The following SHROOM2 variants were observed in gnomAD, a reference collection of about 807,000 sequenced individuals.
The protein encoded by SHROOM2 is protein Shroom2.
Under a neutral mutation model 75.9 loss-of-function variants are expected in SHROOM2, and 33 were observed. The ratio of observed to expected loss-of-function variants is 0.43; its 90% CI spans 0.33 to 0.58. SHROOM2 has a LOEUF of 0.58. Among genes scored for constraint, SHROOM2 ranks in the 20% least tolerant of loss-of-function variants. SHROOM2 has a pLI of 0.04. For synonymous variants in SHROOM2, 655 were observed against 663.6 expected (o/e 0.99, Z 0.20); for missense variants, 1,434 against 1,461.2 (o/e 0.98, Z 0.30).
chrX:9,866,819 C>CG (rs398121949), intron 1 of SHROOM2, among the ~76,000 whole-genome samples: 19 of 111,188 alleles, frequency 1.7e-4, no homozygotes, highest in African/African-American at 4.9e-4. Flanking sequence ...CGTCTTCCCC[C>CG]ACTTCGGCCC....
chrX:9,937,835 G>T, intron 7 of SHROOM2, 150 bp downstream of exon 7: 1 of 512,836 alleles, frequency 1.9e-6, no homozygotes, highest in Non-Finnish European at 3.1e-6. Context: ...GCACTTTTTG[G>T]CTTTTTTGTG....
intron 1 of SHROOM2, 53 bp downstream of exon 1, chrX:9,786,763 G>A (rs1415789381): frequency 2.4e-6 from 2 of 833,132 alleles, no homozygotes; most frequent in African/African-American, 4.4e-5. Flanking sequence ...GCCGCCCTGC[G>A]GGGCGCGTCG....
At chrX:9,879,799 A>G (rs1319297395) in intron 2 of SHROOM2, among the ~76,000 whole-genome samples, 1 of 111,832 alleles carries the variant, frequency 8.9e-6, no homozygotes, top group African/African-American at 3.3e-5. Flanking sequence ...TGTATGTGCT[A>G]TGCAGTGGGA....
intron 1 of SHROOM2, among the ~76,000 whole-genome samples, chrX:9,833,245 T>C (rs2083925477): frequency 9.0e-6 from 1 of 111,246 alleles, no homozygotes; most frequent in Non-Finnish European, 1.9e-5. Flanking sequence ...GCGGGCGTTT[T>C]ATTACCTGTG....
intron 2 of SHROOM2, among the ~76,000 whole-genome samples, chrX:9,882,689 A>G (rs2084238774): frequency 8.9e-6 from 1 of 111,745 alleles, no homozygotes; most frequent in African/African-American, 3.3e-5. Context: ...GGTGGAGGCC[A>G]GAGGCGGGGC....
chrX:9,911,565 C>T (rs912718448), intron 5 of SHROOM2, among the ~76,000 whole-genome samples: 6 of 110,971 alleles, frequency 5.4e-5, no homozygotes, highest in African/African-American at 2.0e-4. Context: ...TGGCTGGCGA[C>T]GCTGCTTCCT....
Position 9,803,696 on chromosome X carries a change from A to G in SHROOM2, c.165+16986A>G, listed in dbSNP as rs552725496. Reference sequence around the variant, plus strand: ...CTTGGGCCTGGTTTTTACAAAATGAACATAGCCATCAGTTGTGACATTGCA... The same window carrying G: ...CTTGGGCCTGGTTTTTACAAAATGAGCATAGCCATCAGTTGTGACATTGCA... On this transcript the variant is annotated intron_variant, in intron 1 of 9. Transcript: ENST00000380913. 2.7e-5 allele frequency among the ~76,000 whole-genome samples: 3 copies of G among 111,963 alleles called. No homozygotes were observed. The Admixed American group carries it at 2.8e-4, about 11-fold the overall frequency.
intron 7 of SHROOM2, among the ~76,000 whole-genome samples, chrX:9,938,019 A>G (rs925046566): frequency 3.6e-5 from 4 of 110,281 alleles, no homozygotes; most frequent in African/African-American, 1.3e-4. Flanking sequence ...ACCCTGGGGG[A>G]CAGTTGGCAA....
At chrX:9,837,685 G>A (rs977948420) in intron 1 of SHROOM2, among the ~76,000 whole-genome samples, 1 of 112,039 alleles carries the variant, frequency 8.9e-6, no homozygotes, top group Non-Finnish European at 1.9e-5. Context: ...AGACTGTGTT[G>A]GGCCTGGTCG....
chrX:9,921,913 C>G (rs1301701827), intron 5 of SHROOM2, among the ~76,000 whole-genome samples: 2 of 112,017 alleles, frequency 1.8e-5, no homozygotes, highest in African/African-American at 6.5e-5. Flanking sequence ...CACAAGTGAA[C>G]TATTCACAAT....
At chrX:9,855,294 G>A (rs201943713) in intron 1 of SHROOM2, among the ~76,000 whole-genome samples, 11 of 4,807 alleles carry the variant, frequency 2.3e-3, no homozygotes, top group African/African-American at 9.9e-3. Flanking sequence ...TTAAAGTATA[G>A]TAAAAAAAAA....
At chrX:9,792,161 A>AATAGAATAGAAT (rs1491434689) in intron 1 of SHROOM2, among the ~76,000 whole-genome samples, 1 of 99,803 alleles carries the variant, frequency 1.0e-5, no homozygotes, top group African/African-American at 3.7e-5. Context: ...GAATAGAATA[A>AATAGAATAGAAT]TCACCAGTAT....
intron 2 of SHROOM2, among the ~76,000 whole-genome samples, chrX:9,878,200 C>G (rs772502339): frequency 2.4e-4 from 27 of 111,970 alleles, no homozygotes; most frequent in Admixed American, 2.8e-4. Context: ...CACCTGCCAC[C>G]TTGTCACAGA....
chrX:9,941,166 C>A (rs2084765282), intron 8 of SHROOM2, among the ~76,000 whole-genome samples: 1 of 112,012 alleles, frequency 8.9e-6, no homozygotes, highest in Non-Finnish European at 1.9e-5. Flanking sequence ...AGTGCAGGGC[C>A]CAGACAGAAT....
intron 1 of SHROOM2, among the ~76,000 whole-genome samples, chrX:9,825,363 T>C (rs1002792055): frequency 7.1e-5 from 8 of 112,568 alleles, no homozygotes; most frequent in Admixed American, 9.4e-5. Context: ...AAAAGCAATA[T>C]TTGAACCAAT....
rs2084440333 is a variant in SHROOM2 at position 9,912,624 on chromosome X, C to T, written c.2891+14334C>T. 3 of 111,737 alleles carry T rather than the reference C, an allele frequency of 2.7e-5. 1 individual carries two copies. The highest frequency in any genetic ancestry group is 5.6e-5 in the Non-Finnish European group (3 of 53,153). The allele number at this position is 111,737 out of a possible 1,213,427, so 9.2% of individuals were successfully genotyped here. A position where few individuals can be genotyped will look rare whatever the true frequency, so the allele number is the denominator to read the frequency against. On this transcript the variant is annotated intron_variant, in intron 5 of 9. Coordinates refer to ENST00000380913, the MANE Select transcript of SHROOM2 (RefSeq NM_001649.4). Reference sequence around the variant, plus strand: ...CGGGTAAGGGACCTCTGCGTTTGCTCTCGGGGCACTTCATCCCAGATGGGA... The same window carrying T: ...CGGGTAAGGGACCTCTGCGTTTGCTTTCGGGGCACTTCATCCCAGATGGGA...
At chrX:9,913,013 A>G (rs1404395184) in intron 5 of SHROOM2, 3 of 112,549 alleles carry the variant, frequency 2.7e-5, no homozygotes, top group African/African-American at 9.7e-5. Context: ...TGGAAGCCGT[A>G]GAGCCATCAT....
Position 9,891,030 on chromosome X carries a change from A to G in SHROOM2, c.371A>G (p.Asp124Gly). ...TCCTGGCATGCCACCAAGTTCTCTG[A>G]CAGCCACCCCGAGCTAGCGGCCTCC... Reference protein sequence around the residue: ...PHSWHATKFSDSHPELAASPF... With the variant: ...PHSWHATKFSGSHPELAASPF... The change falls in exon 3 of 10, where the codon GAC becomes GGC. Residue 124 changes from aspartate to glycine, a missense_variant. This residue lies in a region of SHROOM2 where 1,340 missense variants were observed against 1,338.3 expected (regional missense o/e 1.00). Transcript: ENST00000380913. The G allele has an allele frequency of 8.3e-7, 1 of 1,204,507 alleles. No individual in the cohort carries two copies. The highest frequency in any genetic ancestry group is 1.7e-5 in the African/African-American group (1 of 57,698).
intron 1 of SHROOM2, chrX:9,865,025 C>T (rs1249473517): frequency 9.0e-6 from 1 of 110,546 alleles, no homozygotes; most frequent in East Asian, 2.8e-4. Flanking sequence ...AAACAAAAAG[C>T]AAACCTATGA....
Sources: gnomAD v4.1 joint callset for allele counts (sites outside exome capture counted in the v4.1 genomes callset) on GRCh38, gnomAD v4.1.1 for gene constraint, gnomAD v4.1.1 regional missense constraint, MANE v1.5 for transcripts, NCBI Gene and HGNC (gene_info 2026-07-23, HGNC 2026-07-21) for gene names.